The following MYO3A variants were observed in gnomAD, a reference collection of about 807,000 sequenced individuals.
The protein encoded by MYO3A is myosin-IIIa.
In MYO3A, 180 loss-of-function variants were observed where a neutral mutation model predicts 192.7. The ratio of observed to expected loss-of-function variants is 0.93; its 90% CI spans 0.83 to 1.06. MYO3A has a LOEUF of 1.06. Ranked by LOEUF, MYO3A falls within the 50% of genes least tolerant of loss-of-function variation. The pLI is 0.00. For missense variants in MYO3A, 1,896 were observed against 1,905.0 expected (o/e 1.00, Z 0.09); for synonymous variants, 628 against 645.3 (o/e 0.97, Z 0.41).
intron 6 of MYO3A, among the ~76,000 whole-genome samples, chr10:26,002,289 G>A (rs1840877349): frequency 6.6e-6 from 1 of 152,150 alleles, no homozygotes; most frequent in Non-Finnish European, 1.5e-5. Context: ...AAAAGAAATA[G>A]CACTCGAATA....
intron 10 of MYO3A, among the ~76,000 whole-genome samples, chr10:26,047,992 A>G (rs528397662): frequency 3.0e-4 from 45 of 152,220 alleles, no homozygotes; most frequent in East Asian, 2.5e-3. Context: ...CATTTTTGTC[A>G]TTATATCAAA....
At chr10:26,036,770 G>A (rs948034897) in intron 10 of MYO3A, among the ~76,000 whole-genome samples, 6 of 152,184 alleles carry the variant, frequency 3.9e-5, no homozygotes, top group African/African-American at 1.4e-4. Context: ...CTTGCTGGTT[G>A]CTGAACCTGC....
In MYO3A at chr10:25,946,707, A is replaced by G. The variant is rs1057005721; in HGVS notation, c.-17-5387A>G. On this transcript the variant is annotated intron_variant, in intron 2 of 34. Coordinates refer to ENST00000642920, the MANE Select transcript of MYO3A (RefSeq NM_017433.5). ...ATCCTGGCTAACACGGTGAAACCCC[A>G]TCTCTACTAAAAATACAAAAAATTA... Among the ~76,000 whole-genome samples, 11 of 151,452 alleles carry G rather than the reference A, an allele frequency of 7.3e-5. 4 individuals are homozygous for G. The highest frequency in any genetic ancestry group is 7.2e-4 in the Admixed American group (11 of 15,228).
intron 30 of MYO3A, among the ~76,000 whole-genome samples, chr10:26,176,496 T>G (rs950697100): frequency 6.6e-6 from 1 of 152,078 alleles, no homozygotes; most frequent in Non-Finnish European, 1.5e-5. Context: ...AAGAAAAATG[T>G]GAGATGGCAA....
intron 17 of MYO3A, among the ~76,000 whole-genome samples, chr10:26,115,856 A>G (rs1357399089): frequency 6.6e-6 from 1 of 152,182 alleles, no homozygotes; most frequent in Admixed American, 6.5e-5. Flanking sequence ...TAATGTAGTA[A>G]ATCAAGTTGT....
At chr10:26,014,713 G>A (rs1841886644) in intron 6 of MYO3A, among the ~76,000 whole-genome samples, 1 of 152,074 alleles carries the variant, frequency 6.6e-6, no homozygotes, top group Admixed American at 6.6e-5. Context: ...AATAATGTTA[G>A]ATGGTATAAT....
chr10:26,006,107 A>T (rs948282487), intron 6 of MYO3A, among the ~76,000 whole-genome samples: 2 of 151,838 alleles, frequency 1.3e-5, no homozygotes, highest in Non-Finnish European at 2.9e-5. Context: ...TTTTAGTTGT[A>T]AGGACTAGAT....
At chr10:26,067,832 C>T (rs1463183901) in intron 11 of MYO3A, among the ~76,000 whole-genome samples, 1 of 133,076 alleles carries the variant, frequency 7.5e-6, no homozygotes, top group Non-Finnish European at 1.7e-5. Context: ...CTGATGAACA[C>T]CTTTTTATTT....
intron 14 of MYO3A, among the ~76,000 whole-genome samples, chr10:26,086,869 T>G (rs1455165169): frequency 6.6e-6 from 1 of 152,212 alleles, no homozygotes; most frequent in Admixed American, 6.5e-5. Flanking sequence ...TGCAGGCTGA[T>G]AGAGTTTCTC....
intron 32 of MYO3A, among the ~76,000 whole-genome samples, chr10:26,194,531 C>T (rs1423267887): frequency 6.6e-6 from 1 of 152,174 alleles, no homozygotes; most frequent in Non-Finnish European, 1.5e-5. Context: ...CTCCCCTATG[C>T]CCTGGAGAAC....
Position 26,096,590 on chromosome 10 carries a change from A to C in MYO3A, c.1684A>C (p.Arg562=). 2 of 1,604,828 alleles carry C rather than the reference A, an allele frequency of 1.2e-6. No individual in the cohort carries two copies. Among genetic ancestry groups the C allele is most frequent in the Non-Finnish European group, 1.7e-6 (2 of 1,171,672 alleles). ...TAGGTACCTACAAAATGACCACCTC[A>C]GAACAGTACAAGACATCATGAATAA... ...PPRYLQNDHL[R]TVQDIMNNSF... is the part of the protein sequence containing the mutation. Residue 562 remains arginine (R), a synonymous_variant, in exon 17 of 35, where the codon AGA becomes CGA. Coordinates refer to ENST00000642920, the MANE Select transcript of MYO3A (RefSeq NM_017433.5).
chr10:25,960,719 A>G, intron 4 of MYO3A, among the ~76,000 whole-genome samples: 1 of 152,258 alleles, frequency 6.6e-6, no homozygotes, highest in Non-Finnish European at 1.5e-5. Flanking sequence ...GGAGGAAGAA[A>G]AGGAGAGGAT....
chr10:26,126,656 T>G (rs958633102), intron 19 of MYO3A, among the ~76,000 whole-genome samples: 1 of 152,168 alleles, frequency 6.6e-6, no homozygotes, highest in Non-Finnish European at 1.5e-5. Context: ...ATTTTTATTA[T>G]CTGTATATTC....
chr10:25,985,019 C>G (rs1341656627), intron 4 of MYO3A, among the ~76,000 whole-genome samples: 1 of 152,094 alleles, frequency 6.6e-6, no homozygotes, highest in Non-Finnish European at 1.5e-5. Flanking sequence ...AGGCAGATTG[C>G]CTGAGCTCAG....
chr10:25,956,632 A>C (rs1238568951), intron 4 of MYO3A, among the ~76,000 whole-genome samples: 1 of 150,958 alleles, frequency 6.6e-6, no homozygotes, highest in Non-Finnish European at 1.5e-5. Context: ...TATGGTTTTT[A>C]AATGATTCTA....
At chr10:26,033,693 G>C (rs1196865780) in intron 10 of MYO3A, among the ~76,000 whole-genome samples, 1 of 152,154 alleles carries the variant, frequency 6.6e-6, no homozygotes, top group Non-Finnish European at 1.5e-5. Context: ...TTAGTAAACA[G>C]GATAAGACAA....
intron 4 of MYO3A, among the ~76,000 whole-genome samples, chr10:25,959,386 T>TA (rs1439346722): frequency 2.6e-5 from 4 of 152,124 alleles, no homozygotes; most frequent in African/African-American, 9.7e-5. Flanking sequence ...GATAAAGCAA[T>TA]AAAAACATAG....
intron 8 of MYO3A, chr10:26,021,909 AG>A: frequency 2.1e-6 from 1 of 466,700 alleles, no homozygotes. Context: ...AGAAAATAGC[AG>A]TTCCTCCCAC....
intron 27 of MYO3A, among the ~76,000 whole-genome samples, chr10:26,167,273 C>T (rs12411554): frequency 0.39 from 59,118 of 151,516 alleles, 11,930 homozygotes; most frequent in Middle Eastern, 0.51. Context: ...GGATGAGAAA[C>T]TATCCCTGTA....
Sources: gnomAD v4.1 joint callset for allele counts (sites outside exome capture counted in the v4.1 genomes callset) on GRCh38, gnomAD v4.1.1 for gene constraint, MANE v1.5 for transcripts, NCBI Gene and HGNC (gene_info 2026-07-23, HGNC 2026-07-21) for gene names.